SLC22A2: variants seen among roughly 807,000 people sequenced by gnomAD.
The protein encoded by SLC22A2 is organic cation transporter 2.
Under a neutral mutation model 60.5 loss-of-function variants are expected in SLC22A2, and 46 were observed. The observed-to-expected ratio is 0.76, with a 90% CI of 0.60 to 0.97. The LOEUF is 0.97. SLC22A2 is among the 50% of genes least tolerant of loss of function. SLC22A2 has a pLI of 0.00. For missense variants in SLC22A2, 701 were observed against 706.6 expected (o/e 0.99, Z 0.09); for synonymous variants, 303 against 267.0 (o/e 1.13, Z -1.31).
intron 9 of SLC22A2, among the ~76,000 whole-genome samples, chr6:160,238,294 A>G (rs924936520): frequency 6.6e-6 from 1 of 152,196 alleles, no homozygotes; most frequent in African/African-American, 2.4e-5. Context: ...CATGGTATAT[A>G]CAGTGGAAGT....
chr6:160,224,867 T>C (rs1049974788), intron 9 of SLC22A2, 63 bp from the exon 10 acceptor site: 21 of 954,582 alleles, frequency 2.2e-5, no homozygotes, highest in Non-Finnish European at 2.8e-5. Context: ...ATAATTAGAG[T>C]TTCCCTTATT....
chr6:160,218,589 C>T (rs1473297083), intron 10 of SLC22A2, among the ~76,000 whole-genome samples: 1 of 140,940 alleles, frequency 7.1e-6, no homozygotes, highest in African/African-American at 2.6e-5. Context: ...GCAATAGCAA[C>T]AATAGGATCC....
intron 9 of SLC22A2, among the ~76,000 whole-genome samples, chr6:160,237,402 A>C (rs1209236322): frequency 1.3e-5 from 2 of 152,150 alleles, no homozygotes; most frequent in Non-Finnish European, 2.9e-5. Context: ...GTTGTGCAGG[A>C]TAAGCTTACC....
At chr6:160,258,323 G>T (rs762525126) in intron 1 of SLC22A2, 21 bp downstream of exon 1, 2 of 1,581,134 alleles carry the variant, frequency 1.3e-6, no homozygotes, top group Non-Finnish European at 1.7e-6. Context: ...CTCCATCTGA[G>T]CCCTGAGCTC....
chr6:160,229,981 G>T (rs897214250), intron 9 of SLC22A2, among the ~76,000 whole-genome samples: 1 of 151,652 alleles, frequency 6.6e-6, no homozygotes, highest in Non-Finnish European at 1.5e-5. Flanking sequence ...TTTACACATT[G>T]GTCCCTCCCT....
intron 9 of SLC22A2, among the ~76,000 whole-genome samples, chr6:160,234,391 G>A (rs1425703052): frequency 6.6e-6 from 1 of 152,152 alleles, no homozygotes; most frequent in Non-Finnish European, 1.5e-5. Context: ...CTTCGCTACC[G>A]ACAAGTGGTC....
intron 2 of SLC22A2, among the ~76,000 whole-genome samples, chr6:160,252,276 C>A (rs1420332890): frequency 6.6e-6 from 1 of 152,208 alleles, no homozygotes; most frequent in Non-Finnish European, 1.5e-5. Flanking sequence ...AATGGTACTT[C>A]TTCAACTTTC....
chr6:160,232,447 C>T (rs1258582191), intron 9 of SLC22A2, among the ~76,000 whole-genome samples: 2 of 151,914 alleles, frequency 1.3e-5, no homozygotes, highest in Non-Finnish European at 2.9e-5. Flanking sequence ...TGGGCCCTCA[C>T]TCTTGCAAAG....
chr6:160,239,584 G>T (rs1334676978), intron 9 of SLC22A2, among the ~76,000 whole-genome samples: 1 of 152,158 alleles, frequency 6.6e-6, no homozygotes, highest in Non-Finnish European at 1.5e-5. Context: ...TCCACCTAAG[G>T]GAGTGGCCAA....
chr6:160,239,451 C>T (rs952052742), intron 9 of SLC22A2, among the ~76,000 whole-genome samples: 1 of 152,186 alleles, frequency 6.6e-6, no homozygotes, highest in Non-Finnish European at 1.5e-5. Context: ...GGATTGACCT[C>T]GAATTCTTTC....
At chr6:160,245,861 C>CT (rs531474202) in intron 5 of SLC22A2, among the ~76,000 whole-genome samples, 1,451 of 122,222 alleles carry the variant, frequency 0.012, 29 homozygotes, top group African/African-American at 0.027. Flanking sequence ...CAATGCCCAG[C>CT]TTTTTTTTTT....
At chr6:160,256,516 G>C in intron 2 of SLC22A2, 98 bp downstream of exon 2, 1 of 792,466 alleles carries the variant, frequency 1.3e-6, no homozygotes, top group South Asian at 1.5e-5. Flanking sequence ...TGGTCTGTGT[G>C]CTTGGGAAAG....
intron 2 of SLC22A2, among the ~76,000 whole-genome samples, chr6:160,254,732 T>TC (rs1783241156): frequency 1.3e-5 from 2 of 152,134 alleles, no homozygotes; most frequent in South Asian, 4.1e-4. Flanking sequence ...AGACAGCCTT[T>TC]GGGGGAAGAA....
Position 160,245,444 on chromosome 6 carries a change from G to GTA in SLC22A2, c.1057_1058dup (p.Asn354ThrfsTer41), listed in dbSNP as rs1286638392. On this transcript the variant is annotated frameshift_variant, in exon 6 of 11. Transcript: ENST00000366953. LOFTEE classifies it high-confidence loss of function. ...AAGTGAAAAATATTCCTTACCAGTT[G>GTA]TACATCAATATCATAGTATGTTTCC... The GTA allele has an allele frequency of 1.3e-6, 2 of 1,542,894 alleles. No homozygotes were observed. The highest frequency in any genetic ancestry group is 2.3e-5 in the South Asian group (2 of 86,168).
At chr6:160,256,367 A>G (rs1050670460) in intron 2 of SLC22A2, among the ~76,000 whole-genome samples, 2 of 152,174 alleles carry the variant, frequency 1.3e-5, no homozygotes, top group African/African-American at 2.4e-5. Flanking sequence ...CATAGCCCCC[A>G]TGGAAGATTT....
intron 6 of SLC22A2, chr6:160,244,842 T>C (rs1365318038): frequency 6.6e-6 from 1 of 152,226 alleles, no homozygotes; most frequent in African/African-American, 2.4e-5. Context: ...AAAGCATGGC[T>C]TGAAGCTCTG....
chr6:160,242,145 C>G, intron 8 of SLC22A2, 149 bp downstream of exon 8: 1 of 645,070 alleles, frequency 1.6e-6, no homozygotes, highest in South Asian at 1.8e-5. Context: ...GAGAGGTGAA[C>G]TGCTGGGCCT....
In SLC22A2 at chr6:160,242,346, C is replaced by G; in HGVS notation, c.1336G>C (p.Ala446Pro). Reference sequence around the variant, plus strand: ...TTGACCAGGCAGACTATCTCATAGGCCATTGTGATCCCCATTCTTCCCAAG... The same window carrying G: ...TTGACCAGGCAGACTATCTCATAGGGCATTGTGATCCCCATTCTTCCCAAG... ...SCLGRMGITMAYEIVCLVNAE... is the reference protein window; with the variant it reads ...SCLGRMGITMPYEIVCLVNAE... Residue 446 changes from alanine to proline, a missense_variant, in exon 8 of 11, where the codon GCC becomes CCC. By Grantham distance (27) the Ala-to-Pro change is conservative. Coordinates refer to ENST00000366953, the MANE Select transcript of SLC22A2 (RefSeq NM_003058.4). 1 of 1,611,004 alleles carries G rather than the reference C, an allele frequency of 6.2e-7. No homozygotes were observed. Among genetic ancestry groups the G allele is most frequent in the South Asian group, 1.1e-5 (1 of 91,016 alleles).
At chr6:160,221,456 AT>A (rs1782643207) in intron 10 of SLC22A2, among the ~76,000 whole-genome samples, 1 of 152,152 alleles carries the variant, frequency 6.6e-6, no homozygotes, top group Admixed American at 6.5e-5. Flanking sequence ...CATTTGTAGC[AT>A]TTTTATACTT....
Sources: gnomAD v4.1 joint callset for allele counts (sites outside exome capture counted in the v4.1 genomes callset) on GRCh38, gnomAD v4.1.1 for gene constraint, MANE v1.5 for transcripts, NCBI Gene and HGNC (gene_info 2026-07-23, HGNC 2026-07-21) for gene names.